GLYATL1: variants seen among roughly 807,000 people sequenced by gnomAD.
GLYATL1 encodes glycine N-acyltransferase-like protein 1.
Under a neutral mutation model 20.0 loss-of-function variants are expected in GLYATL1, and 15 were observed. The observed-to-expected ratio is 0.75, with a 90% CI of 0.50 to 1.15. GLYATL1 has a LOEUF of 1.15. Among genes scored for constraint, GLYATL1 ranks in the 50% most tolerant of loss-of-function variants. The probability of loss-of-function intolerance (pLI) is 0.00; values close to 1 mark genes in which losing one functional copy is unlikely to be tolerated. For synonymous variants in GLYATL1, 151 were observed against 131.5 expected, an observed-to-expected ratio of 1.15 and a Z score of -1.01; for missense variants, 380 against 368.5, an observed-to-expected ratio of 1.03 and a Z score of -0.26.
At chr11:58,928,409 A>G (rs1287419989) in intron 1 of GLYATL1, 1 of 152,082 alleles carries the variant, frequency 6.6e-6, no homozygotes, top group African/African-American at 2.4e-5. Flanking sequence ...AGCTTTCCTC[A>G]TGAAAGCGGT....
upstream of GLYATL1, chr11:58,935,607 C>T (rs907118198): frequency 6.6e-6 from 1 of 152,154 alleles, no homozygotes; most frequent in African/African-American, 2.4e-5. Context: ...CCCATTCTGA[C>T]ATTTTGCTGA....
upstream of GLYATL1, among the ~76,000 whole-genome samples, chr11:58,937,464 T>C (rs190186070): frequency 1.2e-4 from 19 of 152,196 alleles, no homozygotes; most frequent in Admixed American, 1.2e-3. Context: ...TTTGAGAGCA[T>C]GAGAGTCTCA....
chr11:58,931,202 T>A (rs1408574705), intron 1 of GLYATL1, among the ~76,000 whole-genome samples: 1 of 152,216 alleles, frequency 6.6e-6, no homozygotes, highest in East Asian at 1.9e-4. Context: ...TAGTTGGCCA[T>A]GTTTTTCCTA....
chr11:58,911,362 G>A (rs1194136491), downstream of GLYATL1, among the ~76,000 whole-genome samples: 1 of 152,176 alleles, frequency 6.6e-6, no homozygotes, highest in Admixed American at 6.5e-5. Flanking sequence ...TGCTTTCATG[G>A]AAAGTGTATG....
intron 1 of GLYATL1, among the ~76,000 whole-genome samples, chr11:58,932,226 A>T (rs1855636260): frequency 6.6e-6 from 1 of 151,908 alleles, no homozygotes; most frequent in Non-Finnish European, 1.5e-5. Context: ...CCTCAATAAG[A>T]TGCCCTATTA....
At chr11:58,951,586 G>A (rs571948615) in intron 4 of GLYATL1, among the ~76,000 whole-genome samples, 15 of 152,010 alleles carry the variant, frequency 9.9e-5, no homozygotes, top group African/African-American at 2.9e-4. Context: ...ACCATTTTTC[G>A]ACAATTTTGG....
chr11:58,915,258 A>T (rs1477781123), intron 1 of GLYATL1, among the ~76,000 whole-genome samples: 1 of 152,204 alleles, frequency 6.6e-6, no homozygotes, highest in African/African-American at 2.4e-5. Context: ...ATTTATTCTG[A>T]TTTTAATTCT....
intron 1 of GLYATL1, among the ~76,000 whole-genome samples, chr11:58,931,064 C>T (rs1233150844): frequency 1.3e-5 from 2 of 152,144 alleles, no homozygotes; most frequent in Non-Finnish European, 2.9e-5. Flanking sequence ...GACTATATGG[C>T]CTACACAACT....
At chr11:58,950,515 C>T (rs376093609) in intron 4 of GLYATL1, among the ~76,000 whole-genome samples, 1 of 152,182 alleles carries the variant, frequency 6.6e-6, no homozygotes, top group South Asian at 2.1e-4. Flanking sequence ...TTTGCCACTA[C>T]AAACAAGCTT....
intron 1 of GLYATL1, among the ~76,000 whole-genome samples, chr11:58,914,478 A>G (rs1855122247): frequency 6.6e-6 from 1 of 152,232 alleles, no homozygotes; most frequent in Non-Finnish European, 1.5e-5. Context: ...TGAGAAGCAT[A>G]AGGTAAGCTA....
In GLYATL1 at chr11:58,954,795, A is replaced by T. The variant is rs775453611; in HGVS notation, c.212A>T (p.Tyr71Phe). The change falls in exon 5 of 7, where the codon TAC becomes TTC. Residue 71 changes from tyrosine (Y) to phenylalanine (F), a missense_variant. Tyr to Phe is a conservative substitution (Grantham distance 22). Coordinates refer to ENST00000532726, the MANE Select transcript of GLYATL1 (RefSeq NM_001389712.2). Reference sequence around the variant, plus strand: ...GAGATGACTGATGACATGGATTCATACACAAACGTATATCGTATGTTCTCC... The same window carrying T: ...GAGATGACTGATGACATGGATTCATTCACAAACGTATATCGTATGTTCTCC... ...KQEMTDDMDS[Y>F]TNVYRMFSKE... The T allele has an allele frequency of 1.9e-6, 3 of 1,607,576 alleles. No homozygotes were observed. Among genetic ancestry groups the T allele is most frequent in the Non-Finnish European group, 2.5e-6 (3 of 1,178,004 alleles).
upstream of GLYATL1, among the ~76,000 whole-genome samples, chr11:58,927,408 G>C (rs73483050): frequency 0.023 from 3,458 of 152,326 alleles, 118 homozygotes; most frequent in African/African-American, 0.078. Flanking sequence ...AGTCAGGCAG[G>C]TGCGTCCTGG....
downstream of GLYATL1, among the ~76,000 whole-genome samples, chr11:58,913,051 G>C (rs529240677): frequency 6.6e-5 from 10 of 152,300 alleles, no homozygotes; most frequent in South Asian, 6.2e-4. Flanking sequence ...AGACTGGCTA[G>C]GGCTTTTTGT....
intron 1 of GLYATL1, among the ~76,000 whole-genome samples, chr11:58,918,978 G>A (rs936107857): frequency 1.3e-5 from 2 of 152,214 alleles, no homozygotes; most frequent in Non-Finnish European, 1.5e-5. Context: ...GTGGATCCAA[G>A]CACGGTTCCT....
rs546881259 is a variant in GLYATL1 at position 58,948,072 on chromosome 11, G to A, written c.186+107G>A. 3 of 743,082 alleles carry A rather than the reference G, an allele frequency of 4.0e-6. No individual in the cohort carries two copies. The South Asian group carries it at 4.4e-5, about 11-fold the overall frequency. The allele number at this position is 743,082 out of a possible 1,614,324, so 46.0% of individuals were successfully genotyped here. A position where few individuals can be genotyped will look rare whatever the true frequency, so the allele number is the denominator to read the frequency against. ...TTTTATAGGGTGAAAGGAAACGTGAGTATTTTAAAACACTCCTTCAGTACT... is the reference window on the plus strand; with the variant it reads ...TTTTATAGGGTGAAAGGAAACGTGAATATTTTAAAACACTCCTTCAGTACT... On this transcript the variant is annotated intron_variant, in intron 4 of 6. Coordinates refer to ENST00000532726, the MANE Select transcript of GLYATL1 (RefSeq NM_001389712.2).
At position 58,954,321 on chromosome 11, in the gene GLYATL1, C is replaced by T. The variant is rs189288775; in HGVS notation, c.187-449C>T. Among the ~76,000 whole-genome samples the T allele has an allele frequency of 2.0e-5, 3 of 152,258 alleles. No homozygotes were observed. In the East Asian group the frequency reaches 5.8e-4, roughly 29 times the overall value. The stretch of plus-strand genomic sequence containing the variant: ...GTCCCACAGTAGGTTACCTGGGGCA[C>T]AGTATATATAACAGGAGTATCCGTT... On this transcript the variant is annotated intron_variant, in intron 4 of 6. Transcript: ENST00000532726.
upstream of GLYATL1, among the ~76,000 whole-genome samples, chr11:58,927,412 G>T (rs968433273): frequency 1.3e-5 from 2 of 152,238 alleles, no homozygotes; most frequent in Non-Finnish European, 2.9e-5. Context: ...AGGCAGGTGC[G>T]TCCTGGGGCT....
At chr11:58,950,340 C>T (rs1322851178) in intron 4 of GLYATL1, among the ~76,000 whole-genome samples, 2 of 151,952 alleles carry the variant, frequency 1.3e-5, no homozygotes, top group East Asian at 1.9e-4. Context: ...CTGATGATCT[C>T]TTTTGTCATC....
At chr11:58,926,470 T>C (rs1036230387), upstream of GLYATL1, among the ~76,000 whole-genome samples, 3 of 152,156 alleles carry the variant, frequency 2.0e-5, no homozygotes, top group African/African-American at 7.2e-5. Context: ...GTAAACTTAA[T>C]TGAGGCTGTA....
Sources: gnomAD v4.1 joint callset for allele counts (sites outside exome capture counted in the v4.1 genomes callset) on GRCh38, gnomAD v4.1.1 for gene constraint, MANE v1.5 for transcripts, NCBI Gene and HGNC (gene_info 2026-07-23, HGNC 2026-07-21) for gene names.